MATCAP2: variants seen among roughly 807,000 people sequenced by gnomAD.
MATCAP2 encodes putative tyrosine carboxypeptidase MATCAP2.
chr7:36,355,089 T>G, the MATCAP2 span: 4 of 152,212 alleles, frequency 2.6e-5, no homozygotes, highest in Non-Finnish European at 5.9e-5. Context: ...CAAATAGGAT[T>G]TTTATCATTG....
the MATCAP2 span, among the ~76,000 whole-genome samples, chr7:36,352,552 G>C: frequency 1.3e-5 from 2 of 151,832 alleles, no homozygotes; most frequent in Non-Finnish European, 2.9e-5. Context: ...TATGGGCCGG[G>C]CACGGTGGCT....
the MATCAP2 span, among the ~76,000 whole-genome samples, chr7:36,388,042 T>C: frequency 1.3e-5 from 2 of 152,194 alleles, no homozygotes; most frequent in African/African-American, 4.8e-5. Flanking sequence ...TTACTTATTA[T>C]GAAATATTTT....
chr7:36,371,033 G>A, the MATCAP2 span, among the ~76,000 whole-genome samples: 1 of 152,120 alleles, frequency 6.6e-6, no homozygotes, highest in Non-Finnish European at 1.5e-5. Context: ...AGAAAAATAG[G>A]TGTTTTGATA....
the MATCAP2 span, among the ~76,000 whole-genome samples, chr7:36,386,555 C>G: frequency 6.6e-6 from 1 of 151,566 alleles, no homozygotes; most frequent in African/African-American, 2.4e-5. Flanking sequence ...AATTGGCAAG[C>G]CGAAAAACCA....
chr7:36,350,531 CCTTTTTTT>C, the MATCAP2 span, among the ~76,000 whole-genome samples: 2 of 87,834 alleles, frequency 2.3e-5, no homozygotes. Context: ...GGACTGTGTT[CCTTTTTTT>C]TTTTTTTTTT....
the MATCAP2 span, among the ~76,000 whole-genome samples, chr7:36,372,326 A>G: frequency 4.0e-5 from 6 of 151,362 alleles, no homozygotes; most frequent in South Asian, 2.1e-4. Context: ...AAAGAGGAGG[A>G]AAAAAAAAGA....
the MATCAP2 span, among the ~76,000 whole-genome samples, chr7:36,328,657 T>C: frequency 6.6e-5 from 10 of 151,926 alleles, no homozygotes; most frequent in Non-Finnish European, 1.2e-4. Flanking sequence ...GGCAGGAGAA[T>C]AATTTGAACC....
chr7:36,379,837 C>CAGAGAGAG, the MATCAP2 span, among the ~76,000 whole-genome samples: 13 of 131,392 alleles, frequency 9.9e-5, no homozygotes, highest in East Asian at 3.2e-4. Flanking sequence ...CACACACACA[C>CAGAGAGAG]ACACACACAC....
the MATCAP2 span, chr7:36,324,500 TATTATA>T: frequency 6.6e-6 from 1 of 152,200 alleles, no homozygotes; most frequent in Non-Finnish European, 1.5e-5. Context: ...GACAAATAAC[TATTATA>T]ATTAAAATTA....
chr7:36,373,273 G>A, the MATCAP2 span, among the ~76,000 whole-genome samples: 1 of 152,124 alleles, frequency 6.6e-6, no homozygotes, highest in Non-Finnish European at 1.5e-5. Context: ...TATAATTTCA[G>A]ATACAGATAG....
At chr7:36,350,537 T>G in the MATCAP2 span, among the ~76,000 whole-genome samples, 445 of 69,384 alleles carry the variant, frequency 6.4e-3, 3 homozygotes, top group Middle Eastern at 0.012. Context: ...TGTTCCTTTT[T>G]TTTTTTTTTT....
At chr7:36,341,271 A>G in the MATCAP2 span, among the ~76,000 whole-genome samples, 2 of 152,050 alleles carry the variant, frequency 1.3e-5, no homozygotes, top group Non-Finnish European at 2.9e-5. Flanking sequence ...ATCATCACTT[A>G]TGTTAATAAG....
the MATCAP2 span, among the ~76,000 whole-genome samples, chr7:36,336,909 ACAT>A: frequency 6.6e-6 from 1 of 151,828 alleles, no homozygotes; most frequent in Non-Finnish European, 1.5e-5. Flanking sequence ...AGCCTGGTCC[ACAT>A]GGTGAAACCC....
chr7:36,384,492 T>C, the MATCAP2 span, among the ~76,000 whole-genome samples: 1 of 152,248 alleles, frequency 6.6e-6, no homozygotes, highest in Non-Finnish European at 1.5e-5. Flanking sequence ...ACTGCACTCA[T>C]GTGCCAGAAG....
the MATCAP2 span, chr7:36,367,057 G>C: frequency 7.8e-7 from 1 of 1,276,396 alleles, no homozygotes; most frequent in African/African-American, 1.6e-5. Flanking sequence ...GGCGGGAGGC[G>C]GCTCTCCGCT....
At chr7:36,339,523 T>C in the MATCAP2 span, among the ~76,000 whole-genome samples, 9 of 152,196 alleles carry the variant, frequency 5.9e-5, no homozygotes, top group Non-Finnish European at 1.3e-4. Flanking sequence ...TTCAAGTGCA[T>C]GTAAAATGTG....
chr7:36,389,744 C>T, the MATCAP2 span: 315 of 399,184 alleles, frequency 7.9e-4, 1 homozygote, highest in East Asian at 0.011. Flanking sequence ...TGGGAACCAC[C>T]CGGCCCGGCG....
chr7:36,375,005 T>C, the MATCAP2 span, among the ~76,000 whole-genome samples: 1 of 152,222 alleles, frequency 6.6e-6, no homozygotes, highest in South Asian at 2.1e-4. Flanking sequence ...AACATACGTG[T>C]GCATGTGTCT....
At chr7:36,359,503 G>A in the MATCAP2 span, among the ~76,000 whole-genome samples, 1 of 152,104 alleles carries the variant, frequency 6.6e-6, no homozygotes, top group Non-Finnish European at 1.5e-5. Flanking sequence ...CATTTTCTAG[G>A]CCAGCATGTG....
Sources: gnomAD v4.1 joint callset for allele counts (sites outside exome capture counted in the v4.1 genomes callset) on GRCh38, gnomAD v4.1.1 for gene constraint, MANE v1.5 for transcripts, NCBI Gene and HGNC (gene_info 2026-07-23, HGNC 2026-07-21) for gene names.